Variants in SYNE3 observed in about 807,000 individuals in gnomAD.
The protein encoded by SYNE3 is spectrin repeat containing nuclear envelope family member 3, also known as nesprin-3.
Under a neutral mutation model 111.2 loss-of-function variants are expected in SYNE3, and 100 were observed. The ratio of observed to expected loss-of-function variants is 0.90; its 90% CI spans 0.77 to 1.06. The LOEUF (loss-of-function observed/expected upper bound fraction) is 1.06, where lower values mean the gene tolerates loss of function less well. Among genes scored for constraint, SYNE3 ranks in the 50% least tolerant of loss-of-function variants. The probability of loss-of-function intolerance (pLI) is 0.00; values close to 1 mark genes in which losing one functional copy is unlikely to be tolerated. For synonymous variants in SYNE3, 547 were observed against 533.9 expected (o/e 1.02, Z -0.34); for missense variants, 1,160 against 1,240.3 (o/e 0.94, Z 0.97).
intron 1 of SYNE3, among the ~76,000 whole-genome samples, chr14:95,487,837 A>T (rs182298900): frequency 5.9e-5 from 9 of 152,154 alleles, no homozygotes; most frequent in Admixed American, 5.9e-4. Flanking sequence ...AACAACACAG[A>T]TTTGAACTGT....
intron 1 of SYNE3, among the ~76,000 whole-genome samples, chr14:95,494,828 G>C (rs1890014804): frequency 6.6e-6 from 1 of 152,170 alleles, no homozygotes; most frequent in Admixed American, 6.5e-5. Flanking sequence ...AAAAGGCCAT[G>C]GGTGCTGGGC....
chr14:95,481,190 A>G (rs1293425391), intron 1 of SYNE3, among the ~76,000 whole-genome samples: 1 of 152,242 alleles, frequency 6.6e-6, no homozygotes, highest in Admixed American at 6.5e-5. Context: ...TAGTGCTGAC[A>G]TTTAAACCTT....
In SYNE3 at chr14:95,454,911, A is replaced by G. The variant is rs199628840; in HGVS notation, c.1137+466T>C. Among the ~76,000 whole-genome samples the G allele has an allele frequency of 2.0e-5, 3 of 152,158 alleles. No homozygotes were observed. In the East Asian group the frequency reaches 5.8e-4, roughly 29 times the overall value. On this transcript the variant is annotated intron_variant, in intron 6 of 17. Coordinates refer to ENST00000682763, the MANE Select transcript of SYNE3 (RefSeq NM_152592.6). ...ATGGGATGTCATGTCGGGGTCTGGGAAGCACCCCCCACCACCGTGGGCCTC... is the reference window on the plus strand; with the variant it reads ...ATGGGATGTCATGTCGGGGTCTGGGGAGCACCCCCCACCACCGTGGGCCTC...
intron 2 of SYNE3, among the ~76,000 whole-genome samples, chr14:95,471,393 G>C (rs1025896672): frequency 2.0e-5 from 3 of 152,244 alleles, no homozygotes; most frequent in South Asian, 2.1e-4. Flanking sequence ...AAGAGGCACA[G>C]GCTGGACAGA....
intron 1 of SYNE3, among the ~76,000 whole-genome samples, chr14:95,492,113 G>A (rs1188295335): frequency 2.0e-5 from 3 of 152,176 alleles, no homozygotes; most frequent in Non-Finnish European, 4.4e-5. Flanking sequence ...TATAATCAAA[G>A]GAAGATAATA....
In SYNE3 at chr14:95,446,050, C is replaced by T. The variant is rs779045885; in HGVS notation, c.1491G>A (p.Thr497=). ...MESSRLKELL[T]MLQLKKDLLI... ...GGAGGTCTTTCTTCAGCTGCAGCAT[C>T]GTCAGCAGCTCTTTCAGGCGGGAGC... The change falls in exon 9 of 18, where the codon ACG becomes ACA. Residue 497 remains threonine (T), a synonymous_variant. Coordinates refer to ENST00000682763, the MANE Select transcript of SYNE3 (RefSeq NM_152592.6). 6 of 1,614,138 alleles carry T rather than the reference C, an allele frequency of 3.7e-6. No individual in the cohort carries two copies. Among genetic ancestry groups the T allele is most frequent in the South Asian group, 2.2e-5 (2 of 91,078 alleles).
At chr14:95,482,152 G>A (rs1305313641) in intron 1 of SYNE3, among the ~76,000 whole-genome samples, 1 of 152,170 alleles carries the variant, frequency 6.6e-6, no homozygotes, top group African/African-American at 2.4e-5. Context: ...AATTCTCTGG[G>A]GCCAGGCGTG....
rs115348895 is a variant in SYNE3 at position 95,430,113 on chromosome 14, C to T, written c.2727+1966G>A. 2.4e-3 allele frequency: 1,024 copies of T among 418,356 alleles called. 13 individuals are homozygous for T. Among genetic ancestry groups the T allele is most frequent in the African/African-American group, 0.022 (975 of 44,036 alleles). The allele number at this position is 418,356 out of a possible 1,614,324, so 25.9% of individuals were successfully genotyped here. ...AGGAACCTGAGGCTGTGCTGGAGGGCTGGTGTTAGCCAGCAAATGTCACTA... is the reference window on the plus strand; with the variant it reads ...AGGAACCTGAGGCTGTGCTGGAGGGTTGGTGTTAGCCAGCAAATGTCACTA... On this transcript the variant is annotated intron_variant, in intron 17 of 17. Coordinates refer to ENST00000682763, the MANE Select transcript of SYNE3 (RefSeq NM_152592.6).
chr14:95,478,185 G>A (rs756799823), intron 1 of SYNE3, among the ~76,000 whole-genome samples: 17 of 152,298 alleles, frequency 1.1e-4, no homozygotes, highest in Middle Eastern at 6.8e-3. Context: ...CAGGAGACCT[G>A]AGCCTCCTCT....
At chr14:95,496,356 C>T (rs1006642636) in intron 1 of SYNE3, among the ~76,000 whole-genome samples, 4 of 152,210 alleles carry the variant, frequency 2.6e-5, no homozygotes, top group Non-Finnish European at 5.9e-5. Context: ...TGGACTCCCT[C>T]CCCTGATCCC....
chr14:95,504,634 G>A (rs139754846), intron 1 of SYNE3, among the ~76,000 whole-genome samples: 5 of 152,108 alleles, frequency 3.3e-5, no homozygotes, highest in Admixed American at 2.6e-4. Context: ...ATCATTGCTG[G>A]ACTGGGTCCC....
intron 1 of SYNE3, among the ~76,000 whole-genome samples, chr14:95,494,663 G>A (rs1890005990): frequency 6.6e-6 from 1 of 152,202 alleles, no homozygotes; most frequent in Non-Finnish European, 1.5e-5. Context: ...GGACCCACAA[G>A]CAGTCAGGGC....
chr14:95,463,195 A>C lies in SYNE3; in HGVS notation c.627+2736T>G, dbSNP rs114249492. ...GAGTCCAATAACAACTTCTCCATCT[A>C]CTTCATAAAAAGACTGGGGGAGCAG... On this transcript the variant is annotated intron_variant, in intron 4 of 17. Transcript: ENST00000682763. Among the ~76,000 whole-genome samples, 657 of 151,684 alleles carry C rather than the reference A, an allele frequency of 4.3e-3. 6 individuals carry two copies. Among genetic ancestry groups the C allele is most frequent in the African/African-American group, 0.015 (614 of 41,026 alleles).
intron 1 of SYNE3, among the ~76,000 whole-genome samples, chr14:95,504,246 A>G (rs1326308708): frequency 2.0e-5 from 3 of 152,062 alleles, no homozygotes; most frequent in Admixed American, 2.0e-4. Flanking sequence ...GAGCCAAAAT[A>G]TATTTACATA....
chr14:95,424,144 T>C (rs996577901), intron 17 of SYNE3, among the ~76,000 whole-genome samples: 1 of 152,114 alleles, frequency 6.6e-6, no homozygotes, highest in African/African-American at 2.4e-5. Flanking sequence ...CTGAAGACAG[T>C]GCATAACCAC....
intron 9 of SYNE3, among the ~76,000 whole-genome samples, chr14:95,445,424 T>C (rs1462960875): frequency 6.6e-6 from 1 of 152,260 alleles, no homozygotes; most frequent in African/African-American, 2.4e-5. Context: ...TAGATCATAG[T>C]TATTATTGTC....
In SYNE3 at chr14:95,439,751, G is replaced by C. The variant is rs577412246; in HGVS notation, c.2107C>G (p.Gln703Glu). 1.9e-6 allele frequency: 3 copies of C among 1,613,740 alleles called. No homozygotes were observed. In the South Asian group the frequency reaches 3.3e-5, roughly 18 times the overall value. Reference sequence around the variant, plus strand: ...CCCTGCGCTTCCACCAGGGACAGCTGGGCCTCCTTCTCCGGGAATTCTGCC... The same window carrying C: ...CCCTGCGCTTCCACCAGGGACAGCTCGGCCTCCTTCTCCGGGAATTCTGCC... ...LVAEFPEKEA[Q>E]LSLVEAQGWL... is the part of the protein sequence containing the mutation. The change falls in exon 13 of 18, where the codon CAG (glutamine) becomes GAG (glutamate). Residue 703 changes from glutamine (Q) to glutamate (E), a missense_variant. Coordinates refer to ENST00000682763, the MANE Select transcript of SYNE3 (RefSeq NM_152592.6).
rs1284694410 is a variant in SYNE3 at position 95,470,697 on chromosome 14, C to T, written c.145-2730G>A. Reference sequence around the variant, plus strand: ...AAAAAGAGCCGGATGTGGTGGCTCACGCCTGTAATCCCAACACTTTGGGAG... The same window carrying T: ...AAAAAGAGCCGGATGTGGTGGCTCATGCCTGTAATCCCAACACTTTGGGAG... On this transcript the variant is annotated intron_variant, in intron 2 of 17. Coordinates refer to ENST00000682763, the MANE Select transcript of SYNE3 (RefSeq NM_152592.6). The surrounding 1 kb of genome is among the most constrained non-coding windows in gnomAD (Gnocchi z 4.2). 2.0e-5 allele frequency among the ~76,000 whole-genome samples: 3 copies of T among 151,676 alleles called. No individual in the cohort carries two copies. Among genetic ancestry groups the T allele is most frequent in the Non-Finnish European group, 2.9e-5 (2 of 67,976 alleles).
intron 1 of SYNE3, among the ~76,000 whole-genome samples, chr14:95,481,744 T>C (rs1303706595): frequency 6.6e-6 from 1 of 152,222 alleles, no homozygotes; most frequent in African/African-American, 2.4e-5. Context: ...GCTGCCCCTG[T>C]GGTCCATCGG....
Sources: allele counts gnomAD v4.1 joint callset (sites outside exome capture counted in the v4.1 genomes callset), GRCh38; gene constraint gnomAD v4.1.1; non-coding constraint Gnocchi (gnomAD v3.1); transcripts MANE v1.5; gene names NCBI Gene and HGNC (gene_info 2026-07-23, HGNC 2026-07-21).